GPC6: variants seen among roughly 807,000 people sequenced by gnomAD.
GPC6 encodes the protein glypican-6.
GPC6 carries 14 observed loss-of-function variants against 55.2 expected under a neutral mutation model. The ratio of observed to expected loss-of-function variants is 0.25; its 90% CI spans 0.17 to 0.40. GPC6 has a LOEUF of 0.40. Ranked by LOEUF, GPC6 falls within the 10% of genes least tolerant of loss-of-function variation. GPC6 has a pLI of 1.00. For missense variants in GPC6, 641 were observed against 708.5 expected, an observed-to-expected ratio of 0.90 and a Z score of 1.08; for synonymous variants, 278 against 259.6, an observed-to-expected ratio of 1.07 and a Z score of -0.68.
chr13:93,863,204 A>G (rs1178236141), intron 3 of GPC6, among the ~76,000 whole-genome samples: 1 of 151,718 alleles, frequency 6.6e-6, no homozygotes. Flanking sequence ...TGAAGACCAA[A>G]GCCATCTTGC....
intron 3 of GPC6, among the ~76,000 whole-genome samples, chr13:93,873,177 C>T (rs1042038653): frequency 6.6e-6 from 1 of 151,494 alleles, no homozygotes; most frequent in Admixed American, 6.6e-5. Context: ...AGTCACTGAA[C>T]TGTTTACTGT....
At chr13:93,527,317 G>A (rs1024200307) in intron 1 of GPC6, among the ~76,000 whole-genome samples, 2 of 151,932 alleles carry the variant, frequency 1.3e-5, no homozygotes, top group Non-Finnish European at 2.9e-5. Context: ...CATTACGTTC[G>A]ATGTAAAGAC....
chr13:94,206,013 C>T (rs148930539), intron 4 of GPC6, among the ~76,000 whole-genome samples: 1 of 152,082 alleles, frequency 6.6e-6, no homozygotes, highest in Admixed American at 6.5e-5. Context: ...ACCTCCAAAG[C>T]AAAGGACAGA....
chr13:93,936,201 G>C (rs1004414618), intron 3 of GPC6, among the ~76,000 whole-genome samples: 3 of 152,026 alleles, frequency 2.0e-5, no homozygotes, highest in African/African-American at 7.3e-5. Context: ...CATAATACTT[G>C]GTAGCTTTCT....
chr13:94,118,652 T>C (rs9524337), intron 4 of GPC6, among the ~76,000 whole-genome samples: 33,476 of 152,044 alleles, frequency 0.22, 4,010 homozygotes, highest in Non-Finnish European at 0.28. Context: ...ACTTTCTCTT[T>C]TAGTCAAGGT....
chr13:93,410,588 ACAAAT>A (rs1405516512), intron 1 of GPC6, among the ~76,000 whole-genome samples: 1 of 152,218 alleles, frequency 6.6e-6, no homozygotes, highest in Non-Finnish European at 1.5e-5. Flanking sequence ...CAGATGGGAT[ACAAAT>A]TTATTACGAC....
At chr13:93,354,643 C>T (rs1241545663) in intron 1 of GPC6, among the ~76,000 whole-genome samples, 3 of 151,374 alleles carry the variant, frequency 2.0e-5, no homozygotes, top group Admixed American at 1.3e-4. Context: ...GGATTATAGG[C>T]GTGAGCCACC....
At chr13:94,186,831 T>C (rs1391421492) in intron 4 of GPC6, 3 of 152,380 alleles carry the variant, frequency 2.0e-5, no homozygotes, top group African/African-American at 7.2e-5. Context: ...GCCCTCTGCA[T>C]ACACTCAAAT....
chr13:93,384,851 C>T (rs1875331421), intron 1 of GPC6, among the ~76,000 whole-genome samples: 1 of 152,144 alleles, frequency 6.6e-6, no homozygotes, highest in African/African-American at 2.4e-5. Flanking sequence ...ATACATTTTC[C>T]TAAATTTAAA....
intron 1 of GPC6, among the ~76,000 whole-genome samples, chr13:93,304,844 G>A (rs1878802212): frequency 6.6e-6 from 1 of 152,038 alleles, no homozygotes; most frequent in Non-Finnish European, 1.5e-5. Context: ...GTGGGTGGGG[G>A]ATTCTGATTA....
chr13:93,404,632 G>A (rs531763499), intron 1 of GPC6, among the ~76,000 whole-genome samples: 11 of 152,042 alleles, frequency 7.2e-5, no homozygotes, highest in South Asian at 6.2e-4. Flanking sequence ...ACATGTATTC[G>A]TTACCACTGC....
intron 1 of GPC6, among the ~76,000 whole-genome samples, chr13:93,331,619 A>G (rs1341246312): frequency 1.4e-5 from 2 of 141,622 alleles, no homozygotes; most frequent in East Asian, 4.8e-4. Context: ...CCCCTGAAAC[A>G]TTGTTTTTTC....
intron 1 of GPC6, among the ~76,000 whole-genome samples, chr13:93,429,290 C>T (rs1448296460): frequency 2.0e-5 from 3 of 152,096 alleles, no homozygotes; most frequent in Non-Finnish European, 4.4e-5. Context: ...AAAAATCCCT[C>T]CTTAATGAGA....
At chr13:93,470,417 T>C (rs1392722775) in intron 1 of GPC6, among the ~76,000 whole-genome samples, 1 of 152,124 alleles carries the variant, frequency 6.6e-6, no homozygotes, top group Non-Finnish European at 1.5e-5. Context: ...ATAATGGCTT[T>C]TATAGGTTGA....
chr13:93,313,323 C>T (rs755070132), intron 1 of GPC6, among the ~76,000 whole-genome samples: 3 of 151,928 alleles, frequency 2.0e-5, no homozygotes, highest in Non-Finnish European at 4.4e-5. Context: ...TACTTCCAAT[C>T]TAGTATTTGA....
At chr13:93,321,856 C>T (rs1282350200) in intron 1 of GPC6, among the ~76,000 whole-genome samples, 14 of 152,072 alleles carry the variant, frequency 9.2e-5, no homozygotes, top group Admixed American at 9.2e-4. Context: ...AGTGTGAGAC[C>T]AGCATTAGCT....
intron 4 of GPC6, among the ~76,000 whole-genome samples, chr13:94,124,439 A>G (rs1047505302): frequency 1.3e-5 from 2 of 152,270 alleles, no homozygotes; most frequent in African/African-American, 4.8e-5. Flanking sequence ...TGAACTCATC[A>G]TATGAAAACA....
At chr13:93,590,280 A>G (rs1877400306) in intron 2 of GPC6, among the ~76,000 whole-genome samples, 3 of 152,210 alleles carry the variant, frequency 2.0e-5, no homozygotes, top group Non-Finnish European at 4.4e-5. Context: ...TTAGTAGGGA[A>G]CTATTAGCTA....
intron 1 of GPC6, among the ~76,000 whole-genome samples, chr13:93,476,789 C>G (rs1879318250): frequency 6.6e-6 from 1 of 151,970 alleles, no homozygotes; most frequent in Admixed American, 6.6e-5. Context: ...ATTTTGTTCA[C>G]ACTATTTTAT....
Sources: allele counts gnomAD v4.1 joint callset (sites outside exome capture counted in the v4.1 genomes callset), GRCh38; gene constraint gnomAD v4.1.1; transcripts MANE v1.5; gene names NCBI Gene and HGNC (gene_info 2026-07-23, HGNC 2026-07-21).